Variants in COPG2 observed in about 807,000 individuals in gnomAD.
COPG2 encodes coat protein complex I subunit gamma 2.
Under a neutral mutation model 46.3 loss-of-function variants are expected in COPG2, and 37 were observed. The observed-to-expected ratio is 0.80, with a 90% CI of 0.61 to 1.05. The LOEUF is 1.05. Ranked by LOEUF, COPG2 falls within the 50% of genes least tolerant of loss-of-function variation. The pLI, the probability that COPG2 is intolerant of heterozygous loss-of-function variation, is 0.00. For synonymous variants in COPG2, 159 were observed against 129.7 expected (o/e 1.23, Z -1.53); for missense variants, 427 against 387.8 (o/e 1.10, Z -0.85).
chr7:130,636,538 G>GTTTTTTTTTTTTTTTTT (rs59688621), intron 5 of COPG2, among the ~76,000 whole-genome samples: 3 of 94,114 alleles, frequency 3.2e-5, no homozygotes, highest in African/African-American at 8.5e-5. Flanking sequence ...ATTGCAACCG[G>GTTTTTTTTTTTTTTTTT]TTTTTTTTTT....
chr7:130,542,514 G>T (rs1278803785), intron 20 of COPG2, among the ~76,000 whole-genome samples: 3 of 152,016 alleles, frequency 2.0e-5, no homozygotes, highest in African/African-American at 7.3e-5. Context: ...TGTCATCAGT[G>T]GGGGGCAGGG....
Position 130,561,125 on chromosome 7 carries a change from T to C in COPG2, c.1036A>G (p.Thr346Ala). 2.5e-6 allele frequency: 1 copy of C among 398,552 alleles called. No homozygotes were observed. Among genetic ancestry groups the C allele is most frequent in the Non-Finnish European group, 4.4e-6 (1 of 226,048 alleles). The allele number at this position is 398,552 out of a possible 1,614,324, so 24.7% of individuals were successfully genotyped here. ...TCACTTCCTGTTTTGAGGAGTGTAG[T>C]AATGGCTAAGGTAGCAATGCTTCTG... Reference protein sequence around the residue: ...SNRSIATLAITTLLKTGSESS... With the variant: ...SNRSIATLAIATLLKTGSESS... The change falls in exon 12 of 24, where the codon ACT becomes GCT. Residue 346 changes from threonine (T) to alanine (A), a missense_variant. By Grantham distance (58) the Thr-to-Ala change is moderately conservative. Coordinates refer to ENST00000425248, the MANE Select transcript of COPG2 (RefSeq NM_012133.6).
intron 9 of COPG2, chr7:130,607,809 A>T (rs1441865588): frequency 1.9e-6 from 1 of 519,970 alleles, no homozygotes; most frequent in Non-Finnish European, 3.8e-6. Context: ...TCCTACACTG[A>T]GGAATTACAG....
At chr7:130,631,403 C>G (rs540888682) in intron 5 of COPG2, among the ~76,000 whole-genome samples, 1 of 152,084 alleles carries the variant, frequency 6.6e-6, no homozygotes, top group Admixed American at 6.5e-5. Flanking sequence ...GGCGATCCAC[C>G]TGCCTCGGTC....
intron 9 of COPG2, among the ~76,000 whole-genome samples, chr7:130,587,756 C>T (rs1584985570): frequency 1.3e-5 from 2 of 151,982 alleles, no homozygotes; most frequent in South Asian, 2.1e-4. Flanking sequence ...GTCTAAAACA[C>T]CAAAAGCAAT....
chr7:130,576,387 A>G (rs972198026), intron 9 of COPG2, among the ~76,000 whole-genome samples: 1 of 152,264 alleles, frequency 6.6e-6, no homozygotes, highest in Non-Finnish European at 1.5e-5. Context: ...CCACAGTTAA[A>G]TAAAACTGGA....
chr7:130,584,914 C>T (rs1233980245), intron 9 of COPG2, among the ~76,000 whole-genome samples: 5 of 151,918 alleles, frequency 3.3e-5, no homozygotes, highest in South Asian at 2.1e-4. Flanking sequence ...AATGCAATCC[C>T]CATCAAAACC....
At chr7:130,510,835 G>A (rs1799582938) in intron 20 of COPG2, 4 of 491,822 alleles carry the variant, frequency 8.1e-6, no homozygotes, top group African/African-American at 2.0e-5. Flanking sequence ...GAAATGGGGC[G>A]AGGAGGCAAG....
intron 4 of COPG2, among the ~76,000 whole-genome samples, chr7:130,660,672 G>GT (rs2116260036): frequency 6.6e-6 from 1 of 152,224 alleles, no homozygotes; most frequent in Non-Finnish European, 1.5e-5. Context: ...CATACAGATG[G>GT]TATCTCTAAA....
intron 16 of COPG2, 87 bp from the exon 17 acceptor site, chr7:130,550,736 C>A (rs1793525983): frequency 2.6e-6 from 1 of 382,706 alleles, no homozygotes; most frequent in African/African-American, 2.1e-5. Context: ...TTTATCTAAG[C>A]TTTCTGAAGG....
At chr7:130,524,573 G>A (rs964406232) in intron 20 of COPG2, among the ~76,000 whole-genome samples, 2 of 152,138 alleles carry the variant, frequency 1.3e-5, no homozygotes, top group African/African-American at 4.8e-5. Context: ...TTGAGAGCAG[G>A]AGGGATGCGC....
intron 9 of COPG2, among the ~76,000 whole-genome samples, chr7:130,572,856 G>A (rs1378391976): frequency 6.6e-6 from 1 of 151,592 alleles, no homozygotes; most frequent in Non-Finnish European, 1.5e-5. Context: ...AAATATTAGA[G>A]CACAGGTTAA....
chr7:130,631,637 A>G (rs1695191449), intron 5 of COPG2, among the ~76,000 whole-genome samples: 2 of 152,216 alleles, frequency 1.3e-5, no homozygotes, highest in South Asian at 2.1e-4. Flanking sequence ...AACACTTCAT[A>G]AAGAGGATAC....
chr7:130,610,399 G>C (rs1156486409), intron 9 of COPG2: 1 of 366,560 alleles, frequency 2.7e-6, no homozygotes, highest in Non-Finnish European at 5.3e-6. Context: ...GGCCACATAA[G>C]AAATCTTTGT....
At chr7:130,618,470 T>C (rs1347235452) in intron 5 of COPG2, among the ~76,000 whole-genome samples, 2 of 152,214 alleles carry the variant, frequency 1.3e-5, no homozygotes, top group Non-Finnish European at 2.9e-5. Context: ...GTACTATCTG[T>C]TCATTTTCTT....
At chr7:130,596,787 T>C (rs1307905866) in intron 9 of COPG2, among the ~76,000 whole-genome samples, 6 of 152,226 alleles carry the variant, frequency 3.9e-5, no homozygotes, top group Admixed American at 3.9e-4. Flanking sequence ...CTCATTCACC[T>C]GGCATTTTGT....
chr7:130,577,746 C>T (rs1180628817), intron 9 of COPG2, among the ~76,000 whole-genome samples: 131 of 136,020 alleles, frequency 9.6e-4, no homozygotes, highest in African/African-American at 3.4e-3. Flanking sequence ...CTGGCCTGGG[C>T]GACAGAGCGA....
At chr7:130,538,525 G>C (rs1342386400) in intron 20 of COPG2, among the ~76,000 whole-genome samples, 1 of 152,084 alleles carries the variant, frequency 6.6e-6, no homozygotes, top group Non-Finnish European at 1.5e-5. Context: ...CGGTAGGGAG[G>C]CAAAATCCCA....
Position 130,617,045 on chromosome 7 carries a change from C to T in COPG2, c.344G>A (p.Gly115Glu). The change falls in exon 6 of 24, where the codon GGA becomes GAA. Residue 115 changes from glycine (G) to glutamate (E), a missense_variant. Transcript: ENST00000425248. ...VTSSLTKDMT[G>E]KEDVYRGPAI... ...CGGGCCTCGGTATACATCTTCTTTTCCAGTCATGTCTTTAGTCAGACTAAG... is the reference window on the plus strand; with the variant it reads ...CGGGCCTCGGTATACATCTTCTTTTTCAGTCATGTCTTTAGTCAGACTAAG... The T allele has an allele frequency of 6.2e-7, 1 of 1,609,744 alleles. No homozygotes were observed. The highest frequency in any genetic ancestry group is 8.5e-7 in the Non-Finnish European group (1 of 1,177,032).
Sources: gnomAD v4.1 joint callset for allele counts (sites outside exome capture counted in the v4.1 genomes callset) on GRCh38, gnomAD v4.1.1 for gene constraint, MANE v1.5 for transcripts, NCBI Gene and HGNC (gene_info 2026-07-23, HGNC 2026-07-21) for gene names.